The following MAP3K15 variants were observed in gnomAD, a reference collection of about 807,000 sequenced individuals.
MAP3K15 encodes the protein mitogen-activated protein kinase kinase kinase 15.
Under a neutral mutation model 99.5 loss-of-function variants are expected in MAP3K15, and 124 were observed. The ratio of observed to expected loss-of-function variants is 1.25; its 90% CI spans 1.08 to 1.45. The LOEUF is 1.45. Ranked by LOEUF, MAP3K15 falls within the 40% of genes most tolerant of loss-of-function variation. The pLI is 0.00. For synonymous variants in MAP3K15, 494 were observed against 439.6 expected (o/e 1.12, Z -1.55); for missense variants, 1,242 against 1,079.7 (o/e 1.15, Z -2.11).
Position 19,360,128 on chromosome X carries a change from CCAATTTTGTAATCATTT to C in MAP3K15, c.*604_*620del, listed in dbSNP as rs1325189806. ...TTAAAATAAGACTTTTGTAATCATT[CCAATTTTGTAATCATTT>C]CAAAGGCCACATAACTTAGTTTTCT... On this transcript the variant is annotated 3_prime_UTR_variant, in exon 29 of 29. Transcript: ENST00000338883. 4.6e-5 allele frequency: 7 copies of C among 151,102 alleles called. No individual in the cohort carries two copies. The South Asian group carries it at 5.8e-4, about 13-fold the overall frequency. 12.5% of individuals were successfully genotyped at this position (151,102 alleles called of 1,213,427 possible). A position where few individuals can be genotyped will look rare whatever the true frequency, so the allele number is the denominator to read the frequency against.
chrX:19,501,056 A>G (rs1479914849), intron 1 of MAP3K15, among the ~76,000 whole-genome samples: 1 of 111,564 alleles, frequency 9.0e-6, no homozygotes, highest in Non-Finnish European at 1.9e-5. Flanking sequence ...GCAGCATGGA[A>G]ACGAAGGAAG....
Position 19,371,399 on chromosome X carries a change from A to AC in MAP3K15, c.3239_3240insG (p.Phe1080LeufsTer2), listed in dbSNP as rs775659598. 3.3e-5 allele frequency: 40 copies of AC among 1,209,472 alleles called. No homozygotes were observed. Among genetic ancestry groups the AC allele is most frequent in the Non-Finnish European group, 4.2e-5 (38 of 894,888 alleles). ...GAATCTGACTGATGGACGAGCTGTC[A>AC]AAGTCCAGGTCCACCTTGAGCTTTG... On this transcript the variant is annotated frameshift_variant, in exon 23 of 29. Transcript: ENST00000338883. LOFTEE classifies it high-confidence loss of function.
chrX:19,395,257 T>C (rs1175291356), intron 15 of MAP3K15, 49 bp from the exon 16 acceptor site: 10 of 1,158,425 alleles, frequency 8.6e-6, no homozygotes, highest in African/African-American at 1.8e-5. Context: ...CCAGGGACTC[T>C]AGAACCACAT....
At chrX:19,398,063 CAAAAAAAAA>C (rs147279112) in intron 15 of MAP3K15, among the ~76,000 whole-genome samples, 154 bp downstream of exon 15, 4 of 50,245 alleles carry the variant, frequency 8.0e-5, no homozygotes, top group African/African-American at 1.7e-4. Context: ...GACTCCGTTT[CAAAAAAAAA>C]AAAAAAAAAA....
chrX:19,407,094 C>A, intron 13 of MAP3K15, 94 bp downstream of exon 13: 1 of 490,810 alleles, frequency 2.0e-6, no homozygotes, highest in Non-Finnish European at 3.3e-6. Flanking sequence ...TCAAGAAAGA[C>A]AGTAATAGCA....
At chrX:19,483,101 T>C (rs867164136) in intron 3 of MAP3K15, among the ~76,000 whole-genome samples, 10 of 100,114 alleles carry the variant, frequency 1.0e-4, no homozygotes, top group Non-Finnish European at 1.6e-4. Flanking sequence ...AAAAAAAAAA[T>C]ACAAAAATTA....
At position 19,514,993 on chromosome X, in the gene MAP3K15, G is replaced by C; in HGVS notation, c.269C>G (p.Ala90Gly). ...EAGARQCLLR[A>G]CEAEGAHLTS... is the part of the protein sequence containing the mutation. ...GAGGTGAGCGCCCTCGGCCTCGCAG[G>C]CCCGCAGCAGGCACTGCCGCGCCCC... is the stretch of plus-strand genomic sequence containing the variant. The change falls in exon 1 of 29, where the codon GCC (alanine) becomes GGC (glycine). Residue 90 changes from alanine to glycine, a missense_variant. Physicochemically the swap from Ala to Gly is moderately conservative, Grantham distance 60 (BLOSUM62 0). Transcript: ENST00000338883. 8.9e-7 allele frequency: 1 copy of C among 1,117,350 alleles called. No homozygotes were observed. 92.1% of individuals were successfully genotyped at this position (1,117,350 alleles called of 1,213,427 possible).
intron 12 of MAP3K15, 146 bp downstream of exon 12, chrX:19,409,778 G>T: frequency 2.2e-6 from 1 of 457,065 alleles, no homozygotes. Flanking sequence ...ACTAGCTCAG[G>T]AAGGACAACA....
intron 1 of MAP3K15, chrX:19,496,826 C>T (rs928654440): frequency 3.6e-5 from 4 of 111,821 alleles, no homozygotes; most frequent in African/African-American, 6.5e-5. Flanking sequence ...GGACTTCTGC[C>T]TGGCTGCTGA....
At chrX:19,424,905 C>T (rs1175660894) in intron 9 of MAP3K15, among the ~76,000 whole-genome samples, 2 of 108,948 alleles carry the variant, frequency 1.8e-5, no homozygotes, top group East Asian at 2.9e-4. Flanking sequence ...CCTCGGCCTC[C>T]GAGAGTGCCA....
At chrX:19,417,211 G>T (rs1172545552) in intron 9 of MAP3K15, among the ~76,000 whole-genome samples, 1 of 112,495 alleles carries the variant, frequency 8.9e-6, no homozygotes, top group Non-Finnish European at 1.9e-5. Context: ...GACAGGGGGT[G>T]CAGCGCACCA....
intron 3 of MAP3K15, among the ~76,000 whole-genome samples, chrX:19,464,766 T>C (rs993460600): frequency 1.8e-5 from 2 of 112,008 alleles, no homozygotes; most frequent in African/African-American, 6.5e-5. Context: ...ACATGGCATA[T>C]TGTTTTTTCT....
At chrX:19,366,281 C>G (rs2063334476) in intron 25 of MAP3K15, among the ~76,000 whole-genome samples, 1 of 111,496 alleles carries the variant, frequency 9.0e-6, no homozygotes, top group South Asian at 3.8e-4. Flanking sequence ...GGAGACAACT[C>G]AAGCTTGTGC....
In MAP3K15 at chrX:19,461,992, A is replaced by AACACACAC. The variant is rs66666219; in HGVS notation, c.720-1847_720-1840dup. Among the ~76,000 whole-genome samples the AACACACAC allele has an allele frequency of 1.6e-3, 157 of 100,620 alleles. 1 individual carries two copies. The highest frequency in any genetic ancestry group is 0.012 in the South Asian group (25 of 2,060). 87.4% of individuals were successfully genotyped at this position (100,620 alleles called of 115,157 possible). ...GGCGACAGAGTGAGACTTGGTCTAA[A>AACACACAC]ACACACACACACACACACACACACA... On this transcript the variant is annotated intron_variant, in intron 4 of 28. Transcript: ENST00000338883.
chrX:19,394,053 C>T (rs769854091), intron 16 of MAP3K15, among the ~76,000 whole-genome samples: 1 of 108,310 alleles, frequency 9.2e-6, no homozygotes, highest in East Asian at 3.0e-4. Context: ...GGATTACAGG[C>T]GTGACCACTG....
chrX:19,512,859 A>G (rs1358678511), intron 1 of MAP3K15, among the ~76,000 whole-genome samples: 1 of 110,977 alleles, frequency 9.0e-6, no homozygotes, highest in Middle Eastern at 4.2e-3. Flanking sequence ...GCTAGTGGCT[A>G]CCAAATTGGA....
At chrX:19,468,729 T>C (rs1342105848) in intron 3 of MAP3K15, among the ~76,000 whole-genome samples, 1 of 111,896 alleles carries the variant, frequency 8.9e-6, no homozygotes. Flanking sequence ...TTTCACGATA[T>C]TGATTCTTCC....
intron 11 of MAP3K15, among the ~76,000 whole-genome samples, chrX:19,410,639 G>C (rs1321780656): frequency 9.0e-6 from 1 of 111,657 alleles, no homozygotes; most frequent in African/African-American, 3.3e-5. Context: ...ATCATGTTAA[G>C]ATATTGAGAT....
intron 25 of MAP3K15, among the ~76,000 whole-genome samples, chrX:19,367,765 T>G (rs2063345896): frequency 1.2e-5 from 1 of 84,095 alleles, no homozygotes; most frequent in Non-Finnish European, 2.2e-5. Flanking sequence ...TTTTTTTTTT[T>G]TGAGACAGAG....
Sources: allele counts gnomAD v4.1 joint callset (sites outside exome capture counted in the v4.1 genomes callset), GRCh38; gene constraint gnomAD v4.1.1; transcripts MANE v1.5; gene names NCBI Gene and HGNC (gene_info 2026-07-23, HGNC 2026-07-21).